CSNK1G2: variants seen among roughly 807,000 people sequenced by gnomAD.
The protein encoded by CSNK1G2 is casein kinase I isoform gamma-2.
Under a neutral mutation model 48.0 loss-of-function variants are expected in CSNK1G2, and 11 were observed. The ratio of observed to expected loss-of-function variants is 0.23; its 90% CI spans 0.14 to 0.38. CSNK1G2 has a LOEUF of 0.38. CSNK1G2 is among the 10% of genes least tolerant of loss of function. The probability of loss-of-function intolerance (pLI) is 1.00; values close to 1 mark genes in which losing one functional copy is unlikely to be tolerated. For synonymous variants in CSNK1G2, 337 were observed against 254.1 expected, an observed-to-expected ratio of 1.33 and a Z score of -3.10; for missense variants, 446 against 595.5, an observed-to-expected ratio of 0.75 and a Z score of 2.61.
In CSNK1G2 at chr19:1,979,594, G is replaced by T; in HGVS notation, c.953G>T (p.Arg318Leu). 1 of 1,607,372 alleles carries T rather than the reference G, an allele frequency of 6.2e-7. No individual in the cohort carries two copies. The highest frequency in any genetic ancestry group is 1.1e-5 in the South Asian group (1 of 91,084). The part of the protein sequence containing the change: ...LRKLFTDLFD[R>L]SGFVFDYEYD... Reference sequence around the variant, plus strand: ...AAGCTCTTCACCGACCTCTTCGACCGCAGTGGCTTCGTGTTCGACTATGAG... The same window carrying T: ...AAGCTCTTCACCGACCTCTTCGACCTCAGTGGCTTCGTGTTCGACTATGAG... The change falls in exon 9 of 12, where the codon CGC (arginine) becomes CTC (leucine). Residue 318 changes from arginine to leucine, a missense_variant. Physicochemically the swap from Arg to Leu is moderately radical, Grantham distance 102 (BLOSUM62 -2). Coordinates refer to ENST00000255641, the MANE Select transcript of CSNK1G2 (RefSeq NM_001319.7).
rs1245375919 is a variant in CSNK1G2 at position 1,979,215 on chromosome 19, C to T, written c.735C>T (p.Phe245=). The T allele has an allele frequency of 2.6e-6, 4 of 1,548,478 alleles. No individual in the cohort carries two copies. Among genetic ancestry groups the T allele is most frequent in the South Asian group, 1.2e-5 (1 of 84,006 alleles). ...LEALGHMFMY[F]LRGSLPWQGL... is the part of the protein sequence containing the mutation. ...CGCTGGGCCACATGTTCATGTACTT[C>T]CTGCGCGGCAGCCTCCCCTGGCAGG... The change falls in exon 7 of 12, where the codon TTC becomes TTT. Residue 245 remains phenylalanine (F), a synonymous_variant. Coordinates refer to ENST00000255641, the MANE Select transcript of CSNK1G2 (RefSeq NM_001319.7).
rs1175077728 is a variant in CSNK1G2 at position 1,979,817 on chromosome 19, G to A, written c.1068G>A (p.Gln356=). Residue 356 remains glutamine, a synonymous_variant, in exon 10 of 12, where the codon CAG becomes CAA. Transcript: ENST00000255641. The stretch of plus-strand genomic sequence containing the variant: ...AGCCTCAGCTCCGGGACAAAACCCA[G>A]CCGCACAGCAAAAACCAGGTGAGGC... ...PSQPQLRDKT[Q]PHSKNQALNS... The A allele has an allele frequency of 6.2e-7, 1 of 1,606,988 alleles. No individual in the cohort carries two copies. Among genetic ancestry groups the A allele is most frequent in the Non-Finnish European group, 8.5e-7 (1 of 1,177,748 alleles).
intron 1 of CSNK1G2, chr19:1,952,727 G>A: frequency 3.6e-6 from 1 of 280,920 alleles, no homozygotes; most frequent in Non-Finnish European, 7.2e-6. Flanking sequence ...GGTGCACAGG[G>A]CCAGGAGCTG....
intron 2 of CSNK1G2, chr19:1,976,157 G>T: frequency 1.7e-6 from 2 of 1,208,262 alleles, no homozygotes; most frequent in South Asian, 2.5e-5. Context: ...GGTGTTTGGG[G>T]CACGGCTCCT....
chr19:1,946,515 T>A (rs1259687568), intron 1 of CSNK1G2, among the ~76,000 whole-genome samples: 1 of 150,962 alleles, frequency 6.6e-6, no homozygotes, highest in Non-Finnish European at 1.5e-5. Flanking sequence ...ATGGTCTCGA[T>A]CTCCTGACCT....
At chr19:1,948,540 CG>C (rs2014651816) in intron 1 of CSNK1G2, among the ~76,000 whole-genome samples, 2 of 88,426 alleles carry the variant, frequency 2.3e-5, no homozygotes, top group Non-Finnish European at 2.7e-5. Context: ...AAAAAAAAAA[CG>C]CAAAAAAAAA....
At chr19:1,959,584 T>C (rs138908992) in intron 1 of CSNK1G2, among the ~76,000 whole-genome samples, 2,287 of 47,644 alleles carry the variant, frequency 0.048, 31 homozygotes, top group African/African-American at 0.091. Flanking sequence ...CCAGCACCCG[T>C]CCCACCTTTA....
At chr19:1,941,874 C>G (rs1278928931) in intron 1 of CSNK1G2, among the ~76,000 whole-genome samples, 2 of 150,802 alleles carry the variant, frequency 1.3e-5, no homozygotes, top group African/African-American at 4.9e-5. Context: ...GCCTTCTTCC[C>G]CCACCCAGTG....
intron 1 of CSNK1G2, among the ~76,000 whole-genome samples, chr19:1,946,227 G>A (rs1292646323): frequency 6.6e-6 from 1 of 152,084 alleles, no homozygotes; most frequent in East Asian, 1.9e-4. Context: ...CAAGAGGCTC[G>A]GGGGTCACGG....
chr19:1,951,899 C>T (rs541055656), intron 1 of CSNK1G2, among the ~76,000 whole-genome samples: 1 of 152,106 alleles, frequency 6.6e-6, no homozygotes, highest in African/African-American at 2.4e-5. Context: ...CGAAGATGGT[C>T]TCGATCTCCT....
chr19:1,957,922 G>A lies in CSNK1G2; in HGVS notation c.-265-11586G>A, dbSNP rs183083035. On this transcript the variant is annotated intron_variant, in intron 1 of 11. Transcript: ENST00000255641. The surrounding 1 kb of genome is among the most constrained non-coding windows in gnomAD (Gnocchi z 5.4). The stretch of plus-strand genomic sequence containing the variant: ...ACTGCTTAGGGCCCCCTGGAGCTGC[G>A]GGGCACACGGCAGAGCCAGCCTCAT... Among the ~76,000 whole-genome samples, 559 of 152,248 alleles carry A rather than the reference G, an allele frequency of 3.7e-3. 1 individual carries two copies. Among genetic ancestry groups the A allele is most frequent in the Non-Finnish European group, 3.8e-3 (256 of 67,990 alleles).
At chr19:1,977,620 G>A (rs2015803485) in intron 2 of CSNK1G2, among the ~76,000 whole-genome samples, 1 of 152,060 alleles carries the variant, frequency 6.6e-6, no homozygotes, top group Non-Finnish European at 1.5e-5. Context: ...GGGTGTGGTG[G>A]TGCGCACCTG....
chr19:1,952,227 G>A (rs1482802446), intron 1 of CSNK1G2, among the ~76,000 whole-genome samples: 1 of 152,234 alleles, frequency 6.6e-6, no homozygotes, highest in Non-Finnish European at 1.5e-5. Context: ...AGGGCCCAGG[G>A]GGCAGAAGCT....
Position 1,969,919 on chromosome 19 carries a change from CAAG to C in CSNK1G2, c.152_154del (p.Lys51del), listed in dbSNP as rs756886859. 2 of 1,311,976 alleles carry C rather than the reference CAAG, an allele frequency of 1.5e-6. No individual in the cohort carries two copies. The highest frequency in any genetic ancestry group is 2.8e-5 in the East Asian group (1 of 35,712). 81.3% of individuals were successfully genotyped at this position (1,311,976 alleles called of 1,614,324 possible). On this transcript the variant is annotated inframe_deletion, in exon 2 of 12. Transcript: ENST00000255641. ...TGGTGGGCCCCAACTTCCGCGTCGG[CAAG>C]AAGATCGGCTGCGGCAACTTCGGGG... is the stretch of plus-strand genomic sequence containing the variant.
chr19:1,965,029 A>G (rs60983728), intron 1 of CSNK1G2, among the ~76,000 whole-genome samples: 29,070 of 149,384 alleles, frequency 0.19, 4,772 homozygotes, highest in African/African-American at 0.45. Context: ...CCTGGCCAAA[A>G]AGATTTCTTT....
chr19:1,964,948 G>A (rs1191902815), intron 1 of CSNK1G2, among the ~76,000 whole-genome samples: 1 of 150,792 alleles, frequency 6.6e-6, no homozygotes, highest in Admixed American at 6.6e-5. Flanking sequence ...GGATGGTCTC[G>A]ATCTCCTGAC....
intron 1 of CSNK1G2, among the ~76,000 whole-genome samples, chr19:1,944,374 G>A (rs553307076): frequency 6.6e-5 from 10 of 152,254 alleles, no homozygotes; most frequent in Middle Eastern, 3.4e-3. Flanking sequence ...CGTGGGGCCC[G>A]TGCTGTGGGG....
chr19:1,942,189 G>T (rs2014392609), intron 1 of CSNK1G2, among the ~76,000 whole-genome samples: 3 of 152,194 alleles, frequency 2.0e-5, no homozygotes, highest in Admixed American at 2.0e-4. Context: ...GAAACGCACG[G>T]ATCAGGGAGG....
At chr19:1,945,488 C>T (rs771183077) in intron 1 of CSNK1G2, among the ~76,000 whole-genome samples, 2 of 152,210 alleles carry the variant, frequency 1.3e-5, no homozygotes, top group Non-Finnish European at 2.9e-5. Context: ...CTCCCTGCAC[C>T]GTGAGGCCCG....
Sources: gnomAD v4.1 joint callset for allele counts (sites outside exome capture counted in the v4.1 genomes callset) on GRCh38, gnomAD v4.1.1 for gene constraint, Gnocchi (gnomAD v3.1) non-coding constraint, MANE v1.5 for transcripts, NCBI Gene and HGNC (gene_info 2026-07-23, HGNC 2026-07-21) for gene names.